GTF2E1: variants seen among roughly 807,000 people sequenced by gnomAD.
GTF2E1 encodes the protein general transcription factor IIE subunit 1, also known as TFIIE alpha subunit.
Under a neutral mutation model 34.9 loss-of-function variants are expected in GTF2E1, and 14 were observed. The ratio of observed to expected loss-of-function variants is 0.40; its 90% CI spans 0.27 to 0.63. The LOEUF is 0.63. Ranked by LOEUF, GTF2E1 falls within the 20% of genes least tolerant of loss-of-function variation. The pLI, the probability that GTF2E1 is intolerant of heterozygous loss-of-function variation, is 0.39. For missense variants in GTF2E1, 469 were observed against 557.7 expected, an observed-to-expected ratio of 0.84 and a Z score of 1.60; for synonymous variants, 188 against 192.9, an observed-to-expected ratio of 0.97 and a Z score of 0.21.
Position 120,776,520 on chromosome 3 carries a change from T to C in GTF2E1, c.748T>C (p.Tyr250His), listed in dbSNP as rs767861376. 19 of 1,614,028 alleles carry C rather than the reference T, an allele frequency of 1.2e-5. No individual in the cohort carries two copies. The highest frequency in any genetic ancestry group is 1.7e-4 in the Middle Eastern group (1 of 6,060). The change falls in exon 4 of 5, where the codon TAC becomes CAC. Residue 250 changes from tyrosine to histidine, a missense_variant. Physicochemically the swap from Tyr to His is moderately conservative, Grantham distance 83. Transcript: ENST00000283875. Reference sequence around the variant, plus strand: ...CAAAGGTCCTTCCTATGAAGACTTATACACTCAGAATGTTGTCATTAACAT... The same window carrying C: ...CAAAGGTCCTTCCTATGAAGACTTACACACTCAGAATGTTGTCATTAACAT... ...ATKGPSYEDL[Y>H]TQNVVINMDD...
intron 4 of GTF2E1, among the ~76,000 whole-genome samples, chr3:120,777,642 T>C (rs571664956): frequency 6.6e-6 from 1 of 152,316 alleles, no homozygotes. Flanking sequence ...ACCTCTACTG[T>C]GATTCTCTTT....
intron 1 of GTF2E1, among the ~76,000 whole-genome samples, chr3:120,745,999 C>T (rs1709101650): frequency 6.6e-6 from 1 of 152,024 alleles, no homozygotes; most frequent in Non-Finnish European, 1.5e-5. Flanking sequence ...TATTTATAAC[C>T]TAAAGTACGT....
At chr3:120,751,897 C>T (rs1373874539) in intron 2 of GTF2E1, among the ~76,000 whole-genome samples, 1 of 152,036 alleles carries the variant, frequency 6.6e-6, no homozygotes, top group Non-Finnish European at 1.5e-5. Flanking sequence ...TTTTTAAAAA[C>T]TTCGTCTGAA....
intron 4 of GTF2E1, among the ~76,000 whole-genome samples, chr3:120,780,722 C>G (rs1709439409): frequency 6.6e-6 from 1 of 152,134 alleles, no homozygotes; most frequent in Non-Finnish European, 1.5e-5. Flanking sequence ...AAAGTAGATG[C>G]TTTTATCACC....
intron 2 of GTF2E1, among the ~76,000 whole-genome samples, chr3:120,758,355 A>G (rs1325814251): frequency 1.3e-5 from 2 of 152,118 alleles, no homozygotes; most frequent in African/African-American, 4.8e-5. Flanking sequence ...TTGTATCCCT[A>G]ACACCATCCT....
At chr3:120,752,165 C>T (rs2107605885) in intron 2 of GTF2E1, among the ~76,000 whole-genome samples, 1 of 152,270 alleles carries the variant, frequency 6.6e-6, no homozygotes, top group South Asian at 2.1e-4. Context: ...TTGTATTAAA[C>T]ATTTAATTTG....
intron 3 of GTF2E1, among the ~76,000 whole-genome samples, chr3:120,772,511 T>A (rs1423417165): frequency 6.6e-6 from 1 of 152,208 alleles, no homozygotes; most frequent in Non-Finnish European, 1.5e-5. Context: ...AAGGAATTCC[T>A]CTTTTGAAAA....
chr3:120,776,340 A>G, intron 3 of GTF2E1, 83 bp from the exon 4 acceptor site: 2 of 1,238,992 alleles, frequency 1.6e-6, no homozygotes, highest in Non-Finnish European at 2.3e-6. Flanking sequence ...TATTTCAGTA[A>G]TTGCCTCCCT....
At chr3:120,752,558 T>C (rs1212560144) in intron 2 of GTF2E1, among the ~76,000 whole-genome samples, 2 of 152,206 alleles carry the variant, frequency 1.3e-5, no homozygotes. Context: ...AGGAGATGAT[T>C]CCACTACTTA....
chr3:120,781,026 T>G lies in GTF2E1; in HGVS notation c.893-17T>G, dbSNP rs1173023190. On this transcript the variant is annotated splice_polypyrimidine_tract_variant and intron_variant, in intron 4 of 4. Transcript: ENST00000283875. The stretch of plus-strand genomic sequence containing the variant: ...TTTATATTTAAGGATATTGACTTTC[T>G]GAGTTTTACTCCCCAGGGGGCATAG... 2 of 1,559,168 alleles carry G rather than the reference T, an allele frequency of 1.3e-6. No individual in the cohort carries two copies. Among genetic ancestry groups the G allele is most frequent in the Non-Finnish European group, 1.7e-6 (2 of 1,145,512 alleles).
At chr3:120,746,327 A>G (rs1437782311) in intron 1 of GTF2E1, among the ~76,000 whole-genome samples, 1 of 152,150 alleles carries the variant, frequency 6.6e-6, no homozygotes, top group Non-Finnish European at 1.5e-5. Flanking sequence ...TGTCTCTACT[A>G]AAAATTCAAA....
At position 120,781,644 on chromosome 3, in the gene GTF2E1, A is replaced by G. The variant is rs1401443793; in HGVS notation, c.*174A>G. ...TTTTATGCCAGAAACTTTCCCAGCA[A>G]GGTAGGGTGCTGAGAATCCTACCCT... On this transcript the variant is annotated 3_prime_UTR_variant, in exon 5 of 5. Transcript: ENST00000283875. 7 of 600,268 alleles carry G rather than the reference A, an allele frequency of 1.2e-5. No homozygotes were observed. The African/African-American group carries it at 1.3e-4, about 11-fold the overall frequency. 37.2% of individuals were successfully genotyped at this position (600,268 alleles called of 1,614,324 possible). A position where few individuals can be genotyped will look rare whatever the true frequency, so the allele number is the denominator to read the frequency against.
chr3:120,781,094 C>T lies in GTF2E1; in HGVS notation c.944C>T (p.Pro315Leu). Residue 315 changes from proline to leucine, a missense_variant, in exon 5 of 5, where the codon CCT (proline) becomes CTT (leucine). Pro to Leu is a moderately conservative substitution (Grantham distance 98, BLOSUM62 -3). Transcript: ENST00000283875. ...GAGCGTGAGGAAGGCCATGCTGGGC[C>T]TGATGACAACGAAGAGGTCATGCGA... ...FQEREEGHAGPDDNEEVMRAL... is the reference protein window; with the variant it reads ...FQEREEGHAGLDDNEEVMRAL... The T allele has an allele frequency of 1.2e-6, 2 of 1,614,030 alleles. No individual in the cohort carries two copies. The highest frequency in any genetic ancestry group is 8.5e-7 in the Non-Finnish European group (1 of 1,179,958).
intron 3 of GTF2E1, 94 bp from the exon 4 acceptor site, chr3:120,776,329 G>C (rs1399054946): frequency 9.5e-7 from 1 of 1,057,290 alleles, no homozygotes; most frequent in African/African-American, 1.6e-5. Flanking sequence ...TTTACATGTA[G>C]TATTTCAGTA....
intron 2 of GTF2E1, among the ~76,000 whole-genome samples, chr3:120,762,631 G>A (rs1709274449): frequency 6.6e-6 from 1 of 152,154 alleles, no homozygotes; most frequent in Non-Finnish European, 1.5e-5. Context: ...CAGTGTTCAT[G>A]TCATTTCTAG....
rs776749303 is a variant in GTF2E1 at position 120,742,762 on chromosome 3, A to C, written c.-63A>C. 3.7e-6 allele frequency: 2 copies of C among 546,776 alleles called. No homozygotes were observed. Among genetic ancestry groups the C allele is most frequent in the South Asian group, 2.0e-5 (1 of 49,868 alleles). 33.9% of individuals were successfully genotyped at this position (546,776 alleles called of 1,614,324 possible). A position where few individuals can be genotyped will look rare whatever the true frequency, so the allele number is the denominator to read the frequency against. On this transcript the variant is annotated 5_prime_UTR_variant, in exon 1 of 5. Transcript: ENST00000283875. ...AGCCGGTAGTTGAAGCGCTGGGGGC[A>C]GCTGTAGTGGGAGTGTTCCAGGATT...
At chr3:120,743,825 G>T (rs1446801471) in intron 1 of GTF2E1, among the ~76,000 whole-genome samples, 1 of 152,176 alleles carries the variant, frequency 6.6e-6, no homozygotes, top group African/African-American at 2.4e-5. Flanking sequence ...AGGCTGACAG[G>T]GTAGACAGAG....
intron 1 of GTF2E1, among the ~76,000 whole-genome samples, chr3:120,746,777 A>G (rs536444538): frequency 5.1e-4 from 77 of 152,340 alleles, no homozygotes; most frequent in Non-Finnish European, 9.7e-4. Flanking sequence ...TAGTCTGGAC[A>G]ACAGAGCAAG....
intron 2 of GTF2E1, among the ~76,000 whole-genome samples, chr3:120,760,204 G>T (rs1365846862): frequency 6.6e-6 from 1 of 152,104 alleles, no homozygotes; most frequent in East Asian, 1.9e-4. Flanking sequence ...ATTGTGAATG[G>T]GAGTTCACTC....
Sources: gnomAD v4.1 joint callset for allele counts (sites outside exome capture counted in the v4.1 genomes callset) on GRCh38, gnomAD v4.1.1 for gene constraint, MANE v1.5 for transcripts, NCBI Gene and HGNC (gene_info 2026-07-23, HGNC 2026-07-21) for gene names.